Variants in LOC128125817 observed in about 807,000 individuals in gnomAD.
the LOC128125817 span, among the ~76,000 whole-genome samples, chr1:41,610,739 C>T: frequency 1.3e-5 from 2 of 152,170 alleles, no homozygotes; most frequent in Non-Finnish European, 2.9e-5. Context: ...GAATTCCGAG[C>T]GCAATTTCTT....
At chr1:41,624,865 T>C in the LOC128125817 span, among the ~76,000 whole-genome samples, 1 of 152,320 alleles carries the variant, frequency 6.6e-6, no homozygotes, top group East Asian at 1.9e-4. Context: ...ATGTTATGGA[T>C]GTTGATTTAG....
At chr1:41,603,952 A>G in the LOC128125817 span, among the ~76,000 whole-genome samples, 51 of 152,360 alleles carry the variant, frequency 3.3e-4, no homozygotes, top group African/African-American at 1.2e-3. Context: ...TGCTCAATAC[A>G]ATTTTGTCAT....
chr1:41,605,878 AATTCCCC>A, the LOC128125817 span, among the ~76,000 whole-genome samples: 1 of 152,154 alleles, frequency 6.6e-6, no homozygotes, highest in Non-Finnish European at 1.5e-5. Context: ...TATTTAAATA[AATTCCCC>A]ATAAACATTT....
At chr1:41,589,385 G>A in the LOC128125817 span, among the ~76,000 whole-genome samples, 2 of 152,352 alleles carry the variant, frequency 1.3e-5, no homozygotes, top group Non-Finnish European at 2.9e-5. Context: ...CTAGCTGTGG[G>A]AGCAGCCCAA....
the LOC128125817 span, among the ~76,000 whole-genome samples, chr1:41,588,449 T>C: frequency 1.3e-5 from 2 of 152,124 alleles, no homozygotes; most frequent in Admixed American, 1.3e-4. Flanking sequence ...CTCCCCTCAC[T>C]GAGCCACAAG....
the LOC128125817 span, among the ~76,000 whole-genome samples, chr1:41,620,002 T>C: frequency 2.0e-5 from 3 of 152,190 alleles, no homozygotes; most frequent in Non-Finnish European, 4.4e-5. Flanking sequence ...TCACAGGCTC[T>C]GCAGGGGTTT....
At chr1:41,623,587 T>C in the LOC128125817 span, among the ~76,000 whole-genome samples, 1 of 152,106 alleles carries the variant, frequency 6.6e-6, no homozygotes, top group South Asian at 2.1e-4. Flanking sequence ...CAGGCCTGGC[T>C]CTCTTCCTTG....
chr1:41,609,769 C>A, the LOC128125817 span, among the ~76,000 whole-genome samples: 1 of 152,274 alleles, frequency 6.6e-6, no homozygotes, highest in Non-Finnish European at 1.5e-5. Flanking sequence ...TGCCCTTTCC[C>A]TCCTAGACAT....
chr1:41,628,475 C>G, the LOC128125817 span, among the ~76,000 whole-genome samples: 7 of 152,092 alleles, frequency 4.6e-5, no homozygotes, highest in African/African-American at 1.7e-4. Flanking sequence ...TTTGCCAGGA[C>G]AGAATGGAAA....
At chr1:41,605,375 G>GCGCGCA in the LOC128125817 span, among the ~76,000 whole-genome samples, 16 of 126,624 alleles carry the variant, frequency 1.3e-4, no homozygotes, top group South Asian at 9.7e-4. Context: ...ACGCACACGC[G>GCGCGCA]CACACACACA....
chr1:41,595,550 T>C, the LOC128125817 span, among the ~76,000 whole-genome samples: 85 of 152,250 alleles, frequency 5.6e-4, 1 homozygote, highest in African/African-American at 1.9e-3. Context: ...AAGATGTTGA[T>C]GGTGAGATTT....
At chr1:41,611,065 C>A in the LOC128125817 span, among the ~76,000 whole-genome samples, 11 of 152,224 alleles carry the variant, frequency 7.2e-5, no homozygotes, top group African/African-American at 2.2e-4. Context: ...AGGCCGTAGG[C>A]TCAGGGTGTG....
the LOC128125817 span, among the ~76,000 whole-genome samples, chr1:41,613,601 AT>A: frequency 6.6e-6 from 1 of 152,262 alleles, no homozygotes; most frequent in African/African-American, 2.4e-5. Context: ...GGGTGTATTA[AT>A]TTGCTAATGA....
At chr1:41,625,045 C>T in the LOC128125817 span, among the ~76,000 whole-genome samples, 1 of 151,768 alleles carries the variant, frequency 6.6e-6, no homozygotes, top group Admixed American at 6.6e-5. Context: ...CGCCTGTAAG[C>T]CCAGCTATTT....
At chr1:41,607,527 ATAC>A in the LOC128125817 span, among the ~76,000 whole-genome samples, 4,059 of 152,274 alleles carry the variant, frequency 0.027, 189 homozygotes, top group African/African-American at 0.092. Context: ...ACTGTTAAGG[ATAC>A]TACTGATAAT....
At chr1:41,590,856 G>A in the LOC128125817 span, among the ~76,000 whole-genome samples, 2 of 152,120 alleles carry the variant, frequency 1.3e-5, no homozygotes, top group Non-Finnish European at 2.9e-5. Flanking sequence ...ACAGCACAGC[G>A]ACTCCCAAGG....
chr1:41,608,443 T>C, the LOC128125817 span, among the ~76,000 whole-genome samples: 1 of 152,294 alleles, frequency 6.6e-6, no homozygotes, highest in Non-Finnish European at 1.5e-5. Context: ...AGAGCATTTG[T>C]TGGGGAATTT....
At chr1:41,591,790 T>C in the LOC128125817 span, among the ~76,000 whole-genome samples, 3 of 152,136 alleles carry the variant, frequency 2.0e-5, no homozygotes, top group Admixed American at 2.0e-4. Flanking sequence ...AAGAGTCACA[T>C]GAGCACATTC....
At chr1:41,594,395 G>A in the LOC128125817 span, among the ~76,000 whole-genome samples, 4 of 151,810 alleles carry the variant, frequency 2.6e-5, no homozygotes, top group Admixed American at 6.6e-5. Flanking sequence ...GATAATTTTC[G>A]TATTTTTAGT....
Sources: allele counts gnomAD v4.1 joint callset (sites outside exome capture counted in the v4.1 genomes callset), GRCh38; gene constraint gnomAD v4.1.1; transcripts MANE v1.5.